PRKAG2: variants seen among roughly 807,000 people sequenced by gnomAD.
PRKAG2 encodes the protein 5'-AMP-activated protein kinase subunit gamma-2.
A neutral mutation model predicts 69.6 loss-of-function variants in PRKAG2; 26 were observed. That is an observed-to-expected ratio of 0.37 (90% CI 0.27 to 0.52). PRKAG2 has a LOEUF of 0.52. PRKAG2 is among the 20% of genes least tolerant of loss of function. The pLI is 0.90. For synonymous variants in PRKAG2, 293 were observed against 285.0 expected (o/e 1.03, Z -0.28); for missense variants, 557 against 740.0 (o/e 0.75, Z 2.87).
At chr7:151,784,263 G>A (rs2076885478) in intron 2 of PRKAG2, among the ~76,000 whole-genome samples, 1 of 152,212 alleles carries the variant, frequency 6.6e-6, no homozygotes, top group African/African-American at 2.4e-5. Flanking sequence ...AGGTGAGCCC[G>A]GACCTGGTGC....
intron 4 of PRKAG2, among the ~76,000 whole-genome samples, chr7:151,641,318 G>C (rs1826653123): frequency 6.8e-6 from 1 of 146,350 alleles, no homozygotes; most frequent in Admixed American, 7.1e-5. Context: ...CACGATCTCG[G>C]CTCACTGCAA....
At position 151,837,358 on chromosome 7, in the gene PRKAG2, GGGAAAGTGGACA is replaced by G. The variant is rs2079169390; in HGVS notation, c.114+39137_114+39148del. ...GGGTCAATTATGGGGGAGGGAAAGG[GGGAAAGTGGACA>G]GGAAGATAAGGTGGAAGAAGAGGGA... On this transcript the variant is annotated intron_variant, in intron 1 of 15. Coordinates refer to ENST00000287878, the MANE Select transcript of PRKAG2 (RefSeq NM_016203.4). 3 of 153,312 alleles carry G rather than the reference GGGAAAGTGGACA, an allele frequency of 2.0e-5. No individual in the cohort carries two copies. In the South Asian group the frequency reaches 6.2e-4, roughly 32 times the overall value. 9.5% of individuals were successfully genotyped at this position (153,312 alleles called of 1,614,324 possible).
At chr7:151,558,916 T>C in intron 15 of PRKAG2, 4 of 985,430 alleles carry the variant, frequency 4.1e-6, no homozygotes, top group Non-Finnish European at 4.8e-6. Context: ...AGAGGATGAA[T>C]CGCTTGACTT....
At chr7:151,852,213 AG>A (rs1396848825) in intron 1 of PRKAG2, among the ~76,000 whole-genome samples, 1 of 152,186 alleles carries the variant, frequency 6.6e-6, no homozygotes, top group Non-Finnish European at 1.5e-5. Flanking sequence ...CAAGAATGTA[AG>A]CCCTGGCGGG....
intron 3 of PRKAG2, among the ~76,000 whole-genome samples, chr7:151,727,003 G>C (rs1263646374): frequency 6.6e-6 from 1 of 152,086 alleles, no homozygotes; most frequent in African/African-American, 2.4e-5. Context: ...ATCACCTGAG[G>C]TCAGGAATTC....
rs1473328677 is a variant in PRKAG2 at position 151,699,262 on chromosome 7, A to T, written c.467-23625T>A. 1.3e-5 allele frequency among the ~76,000 whole-genome samples: 2 copies of T among 152,188 alleles called. No homozygotes were observed. The highest frequency in any genetic ancestry group is 1.3e-4 in the Admixed American group (2 of 15,286). Reference sequence around the variant, plus strand: ...AACCGAATGAACAATATTTCTGAAGATCTCCCACGAAGGTTGCCTCCCTCC... The same window carrying T: ...AACCGAATGAACAATATTTCTGAAGTTCTCCCACGAAGGTTGCCTCCCTCC... On this transcript the variant is annotated intron_variant, in intron 3 of 15. Coordinates refer to ENST00000287878, the MANE Select transcript of PRKAG2 (RefSeq NM_016203.4). The surrounding 1 kb of genome is among the most constrained non-coding windows in gnomAD (Gnocchi z 4.5).
chr7:151,813,990 A>G (rs2078555950), intron 1 of PRKAG2, among the ~76,000 whole-genome samples: 1 of 152,166 alleles, frequency 6.6e-6, no homozygotes. Flanking sequence ...AAAGAATGAC[A>G]ACTTCGCTAA....
intron 1 of PRKAG2, among the ~76,000 whole-genome samples, chr7:151,857,180 G>A (rs769738430): frequency 2.7e-5 from 4 of 147,444 alleles, no homozygotes; most frequent in East Asian, 2.0e-4. Flanking sequence ...GGCACAGAAC[G>A]CGCAGCATCC....
At chr7:151,586,483 C>A (rs1274273410) in intron 6 of PRKAG2, among the ~76,000 whole-genome samples, 3 of 152,220 alleles carry the variant, frequency 2.0e-5, no homozygotes, top group Non-Finnish European at 4.4e-5. Flanking sequence ...TTCTCCGCAA[C>A]TCCTCCAATA....
At chr7:151,680,666 C>A (rs543663065) in intron 3 of PRKAG2, among the ~76,000 whole-genome samples, 3 of 152,328 alleles carry the variant, frequency 2.0e-5, no homozygotes, top group Admixed American at 6.5e-5. Flanking sequence ...AAAATTACTT[C>A]TTTTCAGCCA....
chr7:151,692,819 C>T lies in PRKAG2; in HGVS notation c.467-17182G>A, dbSNP rs551738674. On this transcript the variant is annotated intron_variant, in intron 3 of 15. Transcript: ENST00000287878. ...AAAATAGCAGCTGAATTCCCTCTCC[C>T]TCTGGCCCAAAGGTCATCTCCTGAA... Among the ~76,000 whole-genome samples, 57 of 152,276 alleles carry T rather than the reference C, an allele frequency of 3.7e-4. No homozygotes were observed. The South Asian group carries it at 8.3e-3, about 22-fold the overall frequency.
intron 3 of PRKAG2, among the ~76,000 whole-genome samples, chr7:151,682,801 G>C (rs1321798488): frequency 6.6e-6 from 1 of 150,648 alleles, no homozygotes; most frequent in East Asian, 2.0e-4. Context: ...GGAGCTCAGG[G>C]AAGAGGAGAG....
intron 10 of PRKAG2, 68 bp downstream of exon 10, chr7:151,570,103 T>C: frequency 1.3e-6 from 2 of 1,530,622 alleles, no homozygotes; most frequent in Non-Finnish European, 1.8e-6. Context: ...TGTGTCTTTC[T>C]TTCTATCATG....
At chr7:151,709,254 A>G (rs12672354) in intron 3 of PRKAG2, among the ~76,000 whole-genome samples, 1 of 151,948 alleles carries the variant, frequency 6.6e-6, no homozygotes, top group Admixed American at 6.6e-5. Flanking sequence ...GATTTGTGAC[A>G]ATGTGTGACA....
chr7:151,618,931 G>A lies in PRKAG2; in HGVS notation c.754+13138C>T, dbSNP rs184022901. Reference sequence around the variant, plus strand: ...TCCCCTTTCCATGCTTTTTGCATTTGGTTTTGTGTGTGGGGGCAAATGTGT... The same window carrying A: ...TCCCCTTTCCATGCTTTTTGCATTTAGTTTTGTGTGTGGGGGCAAATGTGT... On this transcript the variant is annotated intron_variant, in intron 5 of 15. Coordinates refer to ENST00000287878, the MANE Select transcript of PRKAG2 (RefSeq NM_016203.4). Among the ~76,000 whole-genome samples, 79 of 151,194 alleles carry A rather than the reference G, an allele frequency of 5.2e-4. No individual in the cohort carries two copies. The East Asian group carries it at 0.014, about 27-fold the overall frequency.
chr7:151,607,663 C>T (rs370646529), intron 5 of PRKAG2, among the ~76,000 whole-genome samples: 2 of 152,182 alleles, frequency 1.3e-5, no homozygotes, highest in South Asian at 4.1e-4. Context: ...CCTATCACAT[C>T]CCCTAGGAAT....
Position 151,558,713 on chromosome 7 carries a change from C to T in PRKAG2, c.1679-1481G>A, listed in dbSNP as rs145586320. On this transcript the variant is annotated intron_variant, in intron 15 of 15. Transcript: ENST00000287878. Reference sequence around the variant, plus strand: ...CATAAGGAATTCCAACCCAGCTACCCCCATCTTCACGGCACAATTTCTATG... The same window carrying T: ...CATAAGGAATTCCAACCCAGCTACCTCCATCTTCACGGCACAATTTCTATG... 3.1e-4 allele frequency: 302 copies of T among 985,404 alleles called. 1 individual carries two copies. In the African/African-American group the frequency reaches 5.0e-3, roughly 16 times the overall value. The allele number at this position is 985,404 out of a possible 1,614,324, so 61.0% of individuals were successfully genotyped here.
intron 3 of PRKAG2, among the ~76,000 whole-genome samples, chr7:151,686,154 G>A (rs938851457): frequency 1.3e-5 from 2 of 152,130 alleles, no homozygotes; most frequent in African/African-American, 4.8e-5. Flanking sequence ...TCACCTGGGA[G>A]CATTGAGAAC....
intron 3 of PRKAG2, 55 bp from the exon 4 acceptor site, chr7:151,675,692 G>T (rs112936515): frequency 1.0e-5 from 16 of 1,523,854 alleles, no homozygotes; most frequent in Admixed American, 1.7e-5. Flanking sequence ...AAGGGACGTC[G>T]GGGGTGGTCA....
Sources: gnomAD v4.1 joint callset for allele counts (sites outside exome capture counted in the v4.1 genomes callset) on GRCh38, gnomAD v4.1.1 for gene constraint, Gnocchi (gnomAD v3.1) non-coding constraint, MANE v1.5 for transcripts, NCBI Gene and HGNC (gene_info 2026-07-23, HGNC 2026-07-21) for gene names.